DOK6: variants seen among roughly 807,000 people sequenced by gnomAD.
The protein encoded by DOK6 is docking protein 6.
In DOK6, 22 loss-of-function variants were observed where a neutral mutation model predicts 44.0. That is an observed-to-expected ratio of 0.50 (90% CI 0.36 to 0.71). The LOEUF (loss-of-function observed/expected upper bound fraction) is 0.71, where lower values mean the gene tolerates loss of function less well. Ranked by LOEUF, DOK6 falls within the 30% of genes least tolerant of loss-of-function variation. The pLI is 0.00. For synonymous variants in DOK6, 166 were observed against 145.5 expected, an observed-to-expected ratio of 1.14 and a Z score of -1.01; for missense variants, 340 against 416.4, an observed-to-expected ratio of 0.82 and a Z score of 1.60.
intron 5 of DOK6, among the ~76,000 whole-genome samples, chr18:69,720,967 C>G (rs959053707): frequency 2.6e-5 from 4 of 151,986 alleles, no homozygotes; most frequent in Admixed American, 2.6e-4. Context: ...ACAGCCCACC[C>G]AAAAAGGATA....
intron 3 of DOK6, among the ~76,000 whole-genome samples, chr18:69,638,490 T>C (rs1351576222): frequency 6.6e-6 from 1 of 151,524 alleles, no homozygotes; most frequent in African/African-American, 2.4e-5. Flanking sequence ...TACTTATTCT[T>C]TTTTTTTTTG....
chr18:69,593,167 C>G (rs1177523612), intron 2 of DOK6, among the ~76,000 whole-genome samples: 1 of 151,822 alleles, frequency 6.6e-6, no homozygotes, highest in Admixed American at 6.6e-5. Flanking sequence ...GAGTTTAAGA[C>G]CAGACTGTAT....
intron 3 of DOK6, among the ~76,000 whole-genome samples, chr18:69,643,140 A>T (rs1426223397): frequency 6.6e-6 from 1 of 152,214 alleles, no homozygotes; most frequent in East Asian, 1.9e-4. Flanking sequence ...GTTTTACTGA[A>T]GTAGCTGTAC....
At chr18:69,730,212 A>T (rs1978356679) in intron 5 of DOK6, among the ~76,000 whole-genome samples, 1 of 152,240 alleles carries the variant, frequency 6.6e-6, no homozygotes, top group Non-Finnish European at 1.5e-5. Context: ...TGTCTCAAAC[A>T]CCAACATCCC....
chr18:69,778,511 A>T (rs1251442863), intron 7 of DOK6, among the ~76,000 whole-genome samples: 1 of 152,224 alleles, frequency 6.6e-6, no homozygotes, highest in African/African-American at 2.4e-5. Context: ...AAGTTAACTC[A>T]GATGTTTGAG....
chr18:69,603,935 T>G (rs1051569316), intron 3 of DOK6, among the ~76,000 whole-genome samples: 2 of 152,120 alleles, frequency 1.3e-5, no homozygotes, highest in Non-Finnish European at 2.9e-5. Flanking sequence ...GTGAAAAACA[T>G]TTATAAAGAA....
Position 69,420,023 on chromosome 18 carries a change from G to A in DOK6, c.66+18713G>A, listed in dbSNP as rs1011098782. 2.9e-4 allele frequency among the ~76,000 whole-genome samples: 44 copies of A among 152,070 alleles called. 1 individual carries two copies. The highest frequency in any genetic ancestry group is 1.0e-4 in the Non-Finnish European group (7 of 67,960). On this transcript the variant is annotated intron_variant, in intron 1 of 7. Transcript: ENST00000382713. ...ATATCTTACCTAAGAAGTGTTATTC[G>A]ATGTTTAATTTTTACAAACTACATT...
At chr18:69,762,991 C>T (rs1979610883) in intron 7 of DOK6, among the ~76,000 whole-genome samples, 1 of 152,106 alleles carries the variant, frequency 6.6e-6, no homozygotes, top group South Asian at 2.1e-4. Flanking sequence ...TTTCTTTTTA[C>T]CCTTTCCTGT....
At chr18:69,665,086 C>T (rs1364620062) in intron 3 of DOK6, among the ~76,000 whole-genome samples, 1 of 151,956 alleles carries the variant, frequency 6.6e-6, no homozygotes, top group Non-Finnish European at 1.5e-5. Flanking sequence ...GAGGCTGAGA[C>T]AGAAGAATCG....
At chr18:69,429,350 C>A (rs1978731792) in intron 1 of DOK6, among the ~76,000 whole-genome samples, 1 of 151,860 alleles carries the variant, frequency 6.6e-6, no homozygotes, top group South Asian at 2.1e-4. Flanking sequence ...TGTTTAACTG[C>A]ACACTAAAAT....
intron 7 of DOK6, among the ~76,000 whole-genome samples, chr18:69,807,161 T>C (rs1302533468): frequency 1.3e-5 from 2 of 149,974 alleles, no homozygotes; most frequent in African/African-American, 4.9e-5. Context: ...GAACTGCAAG[T>C]CCTCAGTGTG....
At chr18:69,782,038 C>T (rs908028314) in intron 7 of DOK6, among the ~76,000 whole-genome samples, 2 of 152,082 alleles carry the variant, frequency 1.3e-5, no homozygotes, top group Admixed American at 6.5e-5. Flanking sequence ...AGTTCTATTA[C>T]AGCCCATGGT....
intron 3 of DOK6, among the ~76,000 whole-genome samples, chr18:69,630,485 TTTCA>T (rs767741240): frequency 1.3e-5 from 2 of 152,256 alleles, no homozygotes; most frequent in East Asian, 1.9e-4. Flanking sequence ...ATTTCTTCAC[TTTCA>T]TTCATTCATT....
At chr18:69,759,397 T>C (rs1452240657) in intron 7 of DOK6, among the ~76,000 whole-genome samples, 1 of 152,150 alleles carries the variant, frequency 6.6e-6, no homozygotes, top group Non-Finnish European at 1.5e-5. Flanking sequence ...GAAAACAAAC[T>C]ATAAAATGTT....
At chr18:69,790,405 CAT>C (rs1187535476) in intron 7 of DOK6, among the ~76,000 whole-genome samples, 1 of 152,146 alleles carries the variant, frequency 6.6e-6, no homozygotes, top group African/African-American at 2.4e-5. Flanking sequence ...AGGTTCTGCA[CAT>C]GTATCCCAGA....
intron 1 of DOK6, among the ~76,000 whole-genome samples, chr18:69,522,498 T>C (rs1442416763): frequency 6.6e-6 from 1 of 152,016 alleles, no homozygotes; most frequent in East Asian, 1.9e-4. Context: ...ATATGGAGTC[T>C]TTACATACTT....
intron 1 of DOK6, among the ~76,000 whole-genome samples, chr18:69,512,187 C>T (rs966902223): frequency 1.3e-5 from 2 of 150,374 alleles, no homozygotes; most frequent in African/African-American, 2.5e-5. Flanking sequence ...CTCGGTACTC[C>T]CCCCAACCTT....
At chr18:69,824,434 C>T (rs1157474541) in intron 7 of DOK6, among the ~76,000 whole-genome samples, 2 of 150,566 alleles carry the variant, frequency 1.3e-5, no homozygotes, top group African/African-American at 4.9e-5. Context: ...TCAACCTCCT[C>T]CTGGGCTCAA....
At chr18:69,765,547 C>T (rs17081602) in intron 7 of DOK6, among the ~76,000 whole-genome samples, 3,660 of 152,220 alleles carry the variant, frequency 0.024, 125 homozygotes, top group African/African-American at 0.076. Context: ...CCTGCTTTTC[C>T]GTGCTCCCAT....
Sources: gnomAD v4.1 joint callset for allele counts (sites outside exome capture counted in the v4.1 genomes callset) on GRCh38, gnomAD v4.1.1 for gene constraint, MANE v1.5 for transcripts, NCBI Gene and HGNC (gene_info 2026-07-23, HGNC 2026-07-21) for gene names.